ADAMTSL1: variants seen among roughly 807,000 people sequenced by gnomAD.
The protein encoded by ADAMTSL1 is ADAMTS-like protein 1.
Under a neutral mutation model 201.8 loss-of-function variants are expected in ADAMTSL1, and 126 were observed. The observed-to-expected ratio is 0.62, with a 90% confidence interval of 0.54 to 0.72. The LOEUF is 0.72. Ranked by LOEUF, ADAMTSL1 falls within the 30% of genes least tolerant of loss-of-function variation. ADAMTSL1 has a pLI of 0.00. For synonymous variants in ADAMTSL1, 1,121 were observed against 903.4 expected (o/e 1.24, Z -4.32); for missense variants, 2,679 against 2,277.8 (o/e 1.18, Z -3.59).
chr9:18,208,541 T>G (rs557995189), intron 2 of ADAMTSL1, among the ~76,000 whole-genome samples: 3 of 152,266 alleles, frequency 2.0e-5, no homozygotes, highest in South Asian at 4.1e-4. Context: ...TGATTTTACT[T>G]GGAAGACACC....
At position 18,574,231 on chromosome 9, in the gene ADAMTSL1, G is replaced by C. The variant is rs1386962879; in HGVS notation, c.439G>C (p.Glu147Gln). Residue 147 changes from glutamate to glutamine, a missense_variant, in exon 4 of 29, where the codon GAA (glutamate) becomes CAA (glutamine). Transcript: ENST00000380548. Reference protein sequence around the residue: ...KVLDGTRCYTESLDMCISGLC... With the variant: ...KVLDGTRCYTQSLDMCISGLC... ...CTTAGATGGTACGCGTTGCTATACAGAATCTTTGGATATGTGCATCAGTGG... is the reference window on the plus strand; with the variant it reads ...CTTAGATGGTACGCGTTGCTATACACAATCTTTGGATATGTGCATCAGTGG... The C allele has an allele frequency of 2.5e-6, 4 of 1,614,118 alleles. No homozygotes were observed. Among genetic ancestry groups the C allele is most frequent in the Non-Finnish European group, 3.4e-6 (4 of 1,179,992 alleles).
chr9:18,887,183 G>A (rs563725478), intron 23 of ADAMTSL1, among the ~76,000 whole-genome samples: 1 of 152,168 alleles, frequency 6.6e-6, no homozygotes, highest in African/African-American at 2.4e-5. Context: ...CCGATTCTAT[G>A]CTACAAAGTC....
intron 1 of ADAMTSL1, among the ~76,000 whole-genome samples, chr9:18,128,914 C>G (rs529863148): frequency 5.9e-5 from 9 of 152,062 alleles, no homozygotes; most frequent in Non-Finnish European, 1.2e-4. Context: ...AAATATTTTC[C>G]TTTGAAAAAG....
At chr9:18,826,224 G>A in intron 21 of ADAMTSL1, 60 bp from the exon 22 acceptor site, 1 of 1,548,110 alleles carries the variant, frequency 6.5e-7, no homozygotes, top group Non-Finnish European at 8.7e-7. Flanking sequence ...ATGCCTCTGG[G>A]CTCACCTGAA....
At chr9:18,007,686 C>T (rs756512900) in intron 1 of ADAMTSL1, among the ~76,000 whole-genome samples, 7 of 151,896 alleles carry the variant, frequency 4.6e-5, no homozygotes, top group Non-Finnish European at 5.9e-5. Context: ...AAGCCTTCAA[C>T]ACATTCACAG....
intron 26 of ADAMTSL1, among the ~76,000 whole-genome samples, chr9:18,894,559 AAAGG>A (rs1829498923): frequency 6.6e-6 from 1 of 152,026 alleles, no homozygotes; most frequent in Admixed American, 6.6e-5. Context: ...GGGATGAGAG[AAAGG>A]AAGGAAGTCA....
At chr9:18,249,269 G>A (rs1040467959) in intron 2 of ADAMTSL1, among the ~76,000 whole-genome samples, 1 of 152,156 alleles carries the variant, frequency 6.6e-6, no homozygotes, top group Non-Finnish European at 1.5e-5. Flanking sequence ...AATCATAAAT[G>A]CACATTCTAG....
chr9:18,562,296 G>T (rs1821559729), intron 3 of ADAMTSL1, among the ~76,000 whole-genome samples: 1 of 152,154 alleles, frequency 6.6e-6, no homozygotes, highest in Non-Finnish European at 1.5e-5. Flanking sequence ...AGTTTGGCTG[G>T]ATATGAAATT....
chr9:18,462,962 A>AATAAAT (rs1820865677), intron 2 of ADAMTSL1, among the ~76,000 whole-genome samples: 1 of 151,892 alleles, frequency 6.6e-6, no homozygotes, highest in Non-Finnish European at 1.5e-5. Flanking sequence ...TAAAAATAAA[A>AATAAAT]AATAAAATAA....
In ADAMTSL1 at chr9:18,330,271, G is replaced by T. The variant is rs192135246; in HGVS notation, c.207+166290G>T. On this transcript the variant is annotated intron_variant, in intron 2 of 29. Transcript: ENST00000680146. ...CCTATTATTCTCAGTGTCATCAGTT[G>T]TTCAGAAATCACATATTAGGACTCA... Among the ~76,000 whole-genome samples the T allele has an allele frequency of 2.1e-3, 320 of 152,170 alleles. 11 individuals are homozygous for T. The highest frequency in any genetic ancestry group is 0.021 in the Admixed American group (319 of 15,282).
chr9:18,659,458 G>A (rs1260886407), intron 8 of ADAMTSL1, among the ~76,000 whole-genome samples: 3 of 152,194 alleles, frequency 2.0e-5, no homozygotes, highest in Non-Finnish European at 2.9e-5. Context: ...TGTTCCATCT[G>A]TCATGGATAG....
intron 1 of ADAMTSL1, among the ~76,000 whole-genome samples, chr9:17,975,244 T>A (rs887590050): frequency 1.3e-5 from 2 of 152,090 alleles, no homozygotes; most frequent in Non-Finnish European, 2.9e-5. Context: ...TTGTATGAGT[T>A]CTTTACATGT....
intron 1 of ADAMTSL1, among the ~76,000 whole-genome samples, chr9:18,079,849 G>A (rs930325119): frequency 6.6e-6 from 1 of 152,112 alleles, no homozygotes; most frequent in Non-Finnish European, 1.5e-5. Context: ...GTTCCTAAAG[G>A]GGTGATTTTG....
rs574369190 is a variant in ADAMTSL1 at position 18,029,075 on chromosome 9, T to G, written c.87+122153T>G. Reference sequence around the variant, plus strand: ...TGGCTCTCTGTTTGTCTGTTATTGGTGTATAAGAATGCTTGTGATTTTTGC... The same window carrying G: ...TGGCTCTCTGTTTGTCTGTTATTGGGGTATAAGAATGCTTGTGATTTTTGC... On this transcript the variant is annotated intron_variant, in intron 1 of 29. Transcript: ENST00000680146. 2.0e-5 allele frequency among the ~76,000 whole-genome samples: 3 copies of G among 152,284 alleles called. No homozygotes were observed. In the East Asian group the frequency reaches 5.8e-4, roughly 29 times the overall value.
At chr9:18,427,536 A>G (rs989320204) in intron 2 of ADAMTSL1, among the ~76,000 whole-genome samples, 1 of 152,212 alleles carries the variant, frequency 6.6e-6, no homozygotes, top group Non-Finnish European at 1.5e-5. Context: ...AAATTTTTTT[A>G]AGTTTTAATC....
At chr9:18,138,244 A>G (rs1826242538) in intron 1 of ADAMTSL1, among the ~76,000 whole-genome samples, 1 of 151,640 alleles carries the variant, frequency 6.6e-6, no homozygotes, top group African/African-American at 2.4e-5. Flanking sequence ...AATATGTATT[A>G]TAATTATTAT....
intron 23 of ADAMTSL1, among the ~76,000 whole-genome samples, chr9:18,834,171 CTTT>C (rs1292068718): frequency 6.6e-6 from 1 of 151,910 alleles, no homozygotes; most frequent in East Asian, 1.9e-4. Context: ...GCTATTAGGG[CTTT>C]TTTTGGGTTC....
chr9:18,185,820 T>C (rs563137045), intron 2 of ADAMTSL1, among the ~76,000 whole-genome samples: 2 of 151,274 alleles, frequency 1.3e-5, no homozygotes, highest in Admixed American at 6.6e-5. Flanking sequence ...GTAAAATACA[T>C]GCTGTACAAG....
intron 15 of ADAMTSL1, among the ~76,000 whole-genome samples, chr9:18,742,811 TAAAA>T (rs2133557644): frequency 6.6e-6 from 1 of 152,258 alleles, no homozygotes; most frequent in East Asian, 1.9e-4. Context: ...TCAGTTAATA[TAAAA>T]TAGAGACAAA....
Sources: gnomAD v4.1 joint callset for allele counts (sites outside exome capture counted in the v4.1 genomes callset) on GRCh38, gnomAD v4.1.1 for gene constraint, MANE v1.5 for transcripts, NCBI Gene and HGNC (gene_info 2026-07-23, HGNC 2026-07-21) for gene names.